Variants in LRP1B observed in about 807,000 individuals in gnomAD.
The protein encoded by LRP1B is low-density lipoprotein receptor-related protein 1B.
A neutral mutation model predicts 556.6 loss-of-function variants in LRP1B; 217 were observed. That is an observed-to-expected ratio of 0.39 (90% CI 0.35 to 0.44). LRP1B has a LOEUF of 0.44. Among genes scored for constraint, LRP1B ranks in the 20% least tolerant of loss-of-function variants. The pLI is 1.00. For missense variants in LRP1B, 5,053 were observed against 5,620.8 expected (o/e 0.90, Z 3.23); for synonymous variants, 2,047 against 1,865.8 (o/e 1.10, Z -2.50).
intron 3 of LRP1B, among the ~76,000 whole-genome samples, chr2:141,464,602 A>T (rs185715131): frequency 0.45 from 32,947 of 73,190 alleles, 6,448 homozygotes; most frequent in East Asian, 0.68. Context: ...ATATATATAT[A>T]TATATTTTTT....
rs1217964751 is a variant in LRP1B at position 140,563,909 on chromosome 2, T to C, written c.7195-21938A>G. ...TAGATGGACAGAAGCCTAAGGTCTG[T>C]TGTCTTTTGACACAGTCATAATTCT... is the stretch of plus-strand genomic sequence containing the variant. On this transcript the variant is annotated intron_variant, in intron 43 of 90. Coordinates refer to ENST00000389484, the MANE Select transcript of LRP1B (RefSeq NM_018557.3). 3.3e-5 allele frequency among the ~76,000 whole-genome samples: 5 copies of C among 152,188 alleles called. No individual in the cohort carries two copies. In the South Asian group the frequency reaches 8.3e-4, roughly 25 times the overall value.
intron 2 of LRP1B, among the ~76,000 whole-genome samples, chr2:141,484,842 A>T (rs900010025): frequency 2.0e-5 from 3 of 152,108 alleles, no homozygotes; most frequent in Non-Finnish European, 4.4e-5. Flanking sequence ...GAAGTTGCTT[A>T]TCAGCTTAAG....
chr2:142,123,989 A>G (rs1707551040), intron 1 of LRP1B, among the ~76,000 whole-genome samples: 1 of 151,998 alleles, frequency 6.6e-6, no homozygotes, highest in Non-Finnish European at 1.5e-5. Flanking sequence ...ACAATACATC[A>G]TTATTAAACA....
At chr2:141,545,854 T>C (rs1323919567) in intron 2 of LRP1B, among the ~76,000 whole-genome samples, 2 of 152,084 alleles carry the variant, frequency 1.3e-5, no homozygotes, top group African/African-American at 4.8e-5. Context: ...AGGAAACAGA[T>C]TTCCCCCACA....
At chr2:140,418,282 G>A (rs191111406) in intron 66 of LRP1B, among the ~76,000 whole-genome samples, 43 of 152,262 alleles carry the variant, frequency 2.8e-4, no homozygotes, top group African/African-American at 8.9e-4. Flanking sequence ...CCCACTTGGT[G>A]GATGATCACC....
chr2:140,298,570 T>C (rs1683698090), intron 83 of LRP1B, among the ~76,000 whole-genome samples: 1 of 152,180 alleles, frequency 6.6e-6, no homozygotes, highest in African/African-American at 2.4e-5. Flanking sequence ...AATTTTGATA[T>C]TGTTATTCAC....
chr2:140,746,457 A>C (rs1366281193), intron 35 of LRP1B, among the ~76,000 whole-genome samples: 1 of 152,132 alleles, frequency 6.6e-6, no homozygotes, highest in Non-Finnish European at 1.5e-5. Context: ...TGGTTTTCCT[A>C]ATTGTTTTAT....
chr2:141,071,804 G>A lies in LRP1B; in HGVS notation c.1014-9531C>T, dbSNP rs144457587. ...TAGGAATCTAACCTACAAGGGACGC[G>A]AAGGACCTCTTCAAGGAGAACTACA... On this transcript the variant is annotated intron_variant, in intron 7 of 90. Transcript: ENST00000389484. 2.6e-3 allele frequency among the ~76,000 whole-genome samples: 398 copies of A among 152,230 alleles called. 1 individual carries two copies. Among genetic ancestry groups the A allele is most frequent in the African/African-American group, 9.1e-3 (379 of 41,544 alleles).
At chr2:141,887,056 T>C (rs1699146060) in intron 1 of LRP1B, among the ~76,000 whole-genome samples, 2 of 151,816 alleles carry the variant, frequency 1.3e-5, no homozygotes, top group Non-Finnish European at 2.9e-5. Flanking sequence ...AGTGCAGTGA[T>C]GGAATCTTGG....
At chr2:140,516,669 C>A (rs1413034909) in intron 50 of LRP1B, among the ~76,000 whole-genome samples, 1 of 151,982 alleles carries the variant, frequency 6.6e-6, no homozygotes, top group Admixed American at 6.6e-5. Flanking sequence ...TCAACAAAAA[C>A]AGAGGTTAAA....
intron 27 of LRP1B, among the ~76,000 whole-genome samples, chr2:140,853,210 C>T (rs190001134): frequency 2.6e-5 from 4 of 152,148 alleles, no homozygotes; most frequent in South Asian, 2.1e-4. Flanking sequence ...TAGAGGTGCC[C>T]TTCCTAAGCC....
chr2:140,915,263 G>A (rs926255501), intron 21 of LRP1B, among the ~76,000 whole-genome samples: 25 of 152,008 alleles, frequency 1.6e-4, no homozygotes, highest in African/African-American at 6.0e-4. Context: ...TAGTTATATA[G>A]AGAAAGAAAA....
intron 1 of LRP1B, among the ~76,000 whole-genome samples, chr2:141,957,224 A>G (rs1273967019): frequency 6.6e-6 from 1 of 151,956 alleles, no homozygotes; most frequent in Non-Finnish European, 1.5e-5. Flanking sequence ...TGACGAGACA[A>G]CTCATGTATC....
chr2:141,036,363 G>A lies in LRP1B; in HGVS notation c.1789+12623C>T, dbSNP rs150119134. On this transcript the variant is annotated intron_variant, in intron 11 of 90. Transcript: ENST00000389484. Reference sequence around the variant, plus strand: ...TGAATTTACAAGAGAAAGATGGAAGGCAAAACTGGAAACCTGAGAGAGATC... The same window carrying A: ...TGAATTTACAAGAGAAAGATGGAAGACAAAACTGGAAACCTGAGAGAGATC... Among the ~76,000 whole-genome samples, 477 of 152,090 alleles carry A rather than the reference G, an allele frequency of 3.1e-3. 4 individuals are homozygous for A. Among genetic ancestry groups the A allele is most frequent in the African/African-American group, 0.011 (464 of 41,510 alleles).
intron 3 of LRP1B, among the ~76,000 whole-genome samples, chr2:141,467,884 TAG>T (rs1205793628): frequency 6.7e-6 from 1 of 149,612 alleles, no homozygotes; most frequent in Non-Finnish European, 1.5e-5. Flanking sequence ...ATACTATCCC[TAG>T]AAGTTGTTCT....
chr2:141,293,180 T>C (rs150524540), intron 3 of LRP1B, among the ~76,000 whole-genome samples: 275 of 152,264 alleles, frequency 1.8e-3, no homozygotes, highest in African/African-American at 6.1e-3. Context: ...TGAAGAAACA[T>C]GTCCAGAAAG....
At chr2:140,258,087 C>A (rs1289447848) in intron 86 of LRP1B, among the ~76,000 whole-genome samples, 1 of 152,142 alleles carries the variant, frequency 6.6e-6, no homozygotes, top group African/African-American at 2.4e-5. Context: ...AACTCATTAT[C>A]TTCCTCCCAA....
intron 7 of LRP1B, among the ~76,000 whole-genome samples, chr2:141,103,168 C>T (rs955669522): frequency 6.6e-6 from 1 of 151,802 alleles, no homozygotes; most frequent in African/African-American, 2.4e-5. Context: ...AAAGGTAACT[C>T]TAAATATCTT....
chr2:142,051,644 T>A lies in LRP1B; in HGVS notation c.82+79004A>T, dbSNP rs1704462394. ...GGCACCCACCTCCATGCCAGCTAAT[T>A]TTTTGTATTTTTAGTAGAGAGGGGG... On this transcript the variant is annotated intron_variant, in intron 1 of 90. Coordinates refer to ENST00000389484, the MANE Select transcript of LRP1B (RefSeq NM_018557.3). Among the ~76,000 whole-genome samples, 7 of 151,920 alleles carry A rather than the reference T, an allele frequency of 4.6e-5. No homozygotes were observed. The South Asian group carries it at 1.2e-3, about 27-fold the overall frequency.
Sources: gnomAD v4.1 joint callset for allele counts (sites outside exome capture counted in the v4.1 genomes callset) on GRCh38, gnomAD v4.1.1 for gene constraint, MANE v1.5 for transcripts, NCBI Gene and HGNC (gene_info 2026-07-23, HGNC 2026-07-21) for gene names.